The following EMC1 variants were observed in gnomAD, a reference collection of about 807,000 sequenced individuals.
EMC1 encodes the protein ER membrane protein complex subunit 1, also known as KIAA0090.
EMC1 carries 103 observed loss-of-function variants against 128.8 expected under a neutral mutation model. The ratio of observed to expected loss-of-function variants is 0.80; its 90% confidence interval spans 0.68 to 0.94. The LOEUF (loss-of-function observed/expected upper bound fraction) is 0.94, where lower values mean the gene tolerates loss of function less well. Among genes scored for constraint, EMC1 ranks in the 40% least tolerant of loss-of-function variants. The pLI, the probability that EMC1 is intolerant of heterozygous loss-of-function variation, is 0.00. For missense variants in EMC1, 1,083 were observed against 1,250.6 expected (o/e 0.87, Z 2.02); for synonymous variants, 442 against 490.4 (o/e 0.90, Z 1.30).
At chr1:19,226,548 A>T (rs72651417) in intron 18 of EMC1, among the ~76,000 whole-genome samples, 13,333 of 151,992 alleles carry the variant, frequency 0.088, 690 homozygotes, top group Non-Finnish European at 0.12. Context: ...TAAAAAATTT[A>T]AAAAAAATTT....
chr1:19,238,959 C>CA, intron 9 of EMC1, 102 bp from the exon 10 acceptor site: 1 of 896,228 alleles, frequency 1.1e-6, no homozygotes, highest in Non-Finnish European at 1.8e-6. Flanking sequence ...TGAGAGAAGA[C>CA]AAAGCTCATT....
rs2093620079 is a variant in EMC1, at chr1:19,243,968, T to C, written c.268A>G (p.Met90Val). 1 of 1,614,012 alleles carries C rather than the reference T, an allele frequency of 6.2e-7. No individual in the cohort carries two copies. Residue 90 changes from methionine to valine, a missense_variant, in exon 3 of 23, where the codon ATG becomes GTG. This residue lies in a region of EMC1 where 544 missense variants were observed against 572.4 expected (regional missense o/e 0.95). Transcript: ENST00000477853. Reference sequence around the variant, plus strand: ...TGCTTACCCTGTCCGTGCAGCAGCATGGCATCCACAGCCCCTTCTGCCGTG... The same window carrying C: ...TGCTTACCCTGTCCGTGCAGCAGCACGGCATCCACAGCCCCTTCTGCCGTG... ...KGTAEGAVDA[M>V]LLHGQDVITV...
chr1:19,240,139 G>A, intron 7 of EMC1, 154 bp from the exon 8 acceptor site: 3 of 1,183,388 alleles, frequency 2.5e-6, no homozygotes, highest in South Asian at 1.5e-5. Context: ...AAAGAGGAAA[G>A]TGACTGATTT....
Position 19,227,342 on chromosome 1 carries a change from C to T in EMC1, c.2173G>A (p.Val725Met). The T allele has an allele frequency of 6.2e-7, 1 of 1,614,078 alleles. No individual in the cohort carries two copies. The highest frequency in any genetic ancestry group is 2.2e-5 in the East Asian group (1 of 44,892). Residue 725 changes from valine to methionine, a missense_variant, in exon 18 of 23, where the codon GTG becomes ATG. By Grantham distance (21) the Val-to-Met change is conservative. Transcript: ENST00000477853. Reference sequence around the variant, plus strand: ...TAGAGCACACTGCGGTCCCCCATCACACGGCCCTGGGAATGAACGTGCTCA... The same window carrying T: ...TAGAGCACACTGCGGTCCCCCATCATACGGCCCTGGGAATGAACGTGCTCA... Reference protein sequence around the residue: ...SSEHVHSQGRVMGDRSVLYKS... With the variant: ...SSEHVHSQGRMMGDRSVLYKS...
At chr1:19,226,123 CA>C (rs1354460843) in intron 18 of EMC1, among the ~76,000 whole-genome samples, 2 of 152,196 alleles carry the variant, frequency 1.3e-5, no homozygotes, top group Non-Finnish European at 2.9e-5. Flanking sequence ...CCCTCCAATT[CA>C]GTCTCTGCTG....
At chr1:19,241,391 G>A (rs2093604709) in intron 5 of EMC1, among the ~76,000 whole-genome samples, 1 of 141,796 alleles carries the variant, frequency 7.1e-6, no homozygotes, top group Non-Finnish European at 1.5e-5. Context: ...GGCAACACTA[G>A]GCCTAAATAC....
intron 16 of EMC1, 120 bp from the exon 17 acceptor site, chr1:19,231,083 G>A (rs1353305730): frequency 7.2e-7 from 1 of 1,398,216 alleles, no homozygotes; most frequent in East Asian, 2.3e-5. Context: ...ATTCAGTTCT[G>A]TTAAGAACCT....
chr1:19,221,350 A>G (rs1380250828), intron 20 of EMC1: 2 of 153,024 alleles, frequency 1.3e-5, no homozygotes, highest in Non-Finnish European at 2.9e-5. Context: ...TTAAGAATTC[A>G]ATAGGCCAGT....
chr1:19,227,451 C>G lies in EMC1; in HGVS notation c.2065-1G>C. 1.2e-6 allele frequency: 2 copies of G among 1,614,130 alleles called. No homozygotes were observed. Among genetic ancestry groups the G allele is most frequent in the Non-Finnish European group, 1.7e-6 (2 of 1,180,004 alleles). On this transcript the variant is annotated splice_acceptor_variant, in intron 17 of 22. Coordinates refer to ENST00000477853, the MANE Select transcript of EMC1 (RefSeq NM_015047.3). LOFTEE classifies it high-confidence loss of function. ...CCCAACTCAGCTCAGTGGTGAGATC[C>G]TAGGGCAGGGGCAAAAAAGCCTGTA...
chr1:19,246,799 A>G (rs1037371409), intron 1 of EMC1, among the ~76,000 whole-genome samples: 4 of 152,142 alleles, frequency 2.6e-5, no homozygotes, highest in African/African-American at 9.7e-5. Flanking sequence ...AAAAATAAAT[A>G]AATAATAAAA....
chr1:19,234,923 T>G (rs565588578), intron 13 of EMC1, among the ~76,000 whole-genome samples: 20 of 152,276 alleles, frequency 1.3e-4, no homozygotes, highest in Non-Finnish European at 2.4e-4. Flanking sequence ...CCTAGAAGGA[T>G]TCACAGTTCA....
rs2093497613 is a variant in EMC1, at chr1:19,228,786, T to C, written c.2065-1336A>G. 2.0e-5 allele frequency among the ~76,000 whole-genome samples: 3 copies of C among 152,108 alleles called. No individual in the cohort carries two copies. The South Asian group carries it at 6.2e-4, about 31-fold the overall frequency. The stretch of plus-strand genomic sequence containing the variant: ...AATAAAATGGGCCGGGCGTGGTGGC[T>C]CACACCTGTAATCCCAGCACTTTCG... On this transcript the variant is annotated intron_variant, in intron 17 of 22. Transcript: ENST00000477853.
chr1:19,250,877 A>G (rs1259854148), intron 1 of EMC1, among the ~76,000 whole-genome samples: 2 of 152,228 alleles, frequency 1.3e-5, no homozygotes, highest in Non-Finnish European at 2.9e-5. Context: ...GGGTGGGTGA[A>G]TGAATGAATG....
At chr1:19,232,514 G>A (rs2093531659) in intron 15 of EMC1, 110 bp downstream of exon 15, 11 of 1,235,936 alleles carry the variant, frequency 8.9e-6, no homozygotes, top group South Asian at 1.3e-5. Flanking sequence ...TCTAACCCCT[G>A]AATGTTCCTC....
Position 19,232,774 on chromosome 1 carries a change from C to T in EMC1, c.1633-1G>A. 1 of 1,614,050 alleles carries T rather than the reference C, an allele frequency of 6.2e-7. No homozygotes were observed. The highest frequency in any genetic ancestry group is 8.5e-7 in the Non-Finnish European group (1 of 1,179,938). On this transcript the variant is annotated splice_acceptor_variant, in intron 14 of 22. Transcript: ENST00000477853. LOFTEE classifies it high-confidence loss of function. ...CAGAGCTGCTCTCAATGCCAAAAAG[C>T]TGCAAGATAAACAAATACTTGGCTC... is the stretch of plus-strand genomic sequence containing the variant.
rs756811719 is a variant in EMC1, at chr1:19,223,575, G to A, written c.2203-6C>T. On this transcript the variant is annotated splice_polypyrimidine_tract_variant and splice_region_variant and intron_variant, in intron 18 of 22. Transcript: ENST00000477853. ...AGCAGGTTGGGGTTCAGGCTCTGGA[G>A]AGAGAGAGAAAACCTCCCTTAGAAC... 1 of 1,613,262 alleles carries A rather than the reference G, an allele frequency of 6.2e-7. No homozygotes were observed. Among genetic ancestry groups the A allele is most frequent in the Admixed American group, 1.7e-5 (1 of 59,998 alleles).
At chr1:19,224,803 T>A (rs1303656397) in intron 18 of EMC1, among the ~76,000 whole-genome samples, 1 of 152,236 alleles carries the variant, frequency 6.6e-6, no homozygotes, top group Non-Finnish European at 1.5e-5. Flanking sequence ...CCTGTTGCCC[T>A]CTGCCCTCAG....
Position 19,227,399 on chromosome 1 carries a change from G to C in EMC1, c.2116C>G (p.Arg706Gly). ...CGTTTCCCCTTCACCTTGACGATCC[G>C]CTGTACTTCTGGGGGAATGGTCAGC... ...WELTIPPEVQ[R>G]IVKVKGKRSS... Residue 706 changes from arginine to glycine, a missense_variant, in exon 18 of 23, where the codon CGG becomes GGG. Arg to Gly is a moderately radical substitution (Grantham distance 125). Coordinates refer to ENST00000477853, the MANE Select transcript of EMC1 (RefSeq NM_015047.3). 1 of 1,614,174 alleles carries C rather than the reference G, an allele frequency of 6.2e-7. No homozygotes were observed. Among genetic ancestry groups the C allele is most frequent in the South Asian group, 1.1e-5 (1 of 91,086 alleles).
In EMC1 at chr1:19,218,092, A is replaced by G. The variant is rs748153982; in HGVS notation, c.*1211T>C. ...CACAAAAGAGGACTTAAACAGTGTC[A>G]TTTGTCACTTGCTTTATGCAAACAT... On this transcript the variant is annotated 3_prime_UTR_variant, in exon 23 of 23. Transcript: ENST00000477853. 1.3e-5 allele frequency: 2 copies of G among 152,226 alleles called. No homozygotes were observed. The highest frequency in any genetic ancestry group is 2.9e-5 in the Non-Finnish European group (2 of 68,036). The allele number at this position is 152,226 out of a possible 1,614,324, so 9.4% of individuals were successfully genotyped here. A position where few individuals can be genotyped will look rare whatever the true frequency, so the allele number is the denominator to read the frequency against.
Sources: allele counts gnomAD v4.1 joint callset (sites outside exome capture counted in the v4.1 genomes callset), GRCh38; gene constraint gnomAD v4.1.1; regional missense constraint gnomAD v4.1.1; transcripts MANE v1.5; gene names NCBI Gene and HGNC (gene_info 2026-07-23, HGNC 2026-07-21).